The following KIF5B variants were observed in gnomAD, a reference collection of about 807,000 sequenced individuals.
KIF5B encodes the protein kinesin family member 5B.
Under a neutral mutation model 132.8 loss-of-function variants are expected in KIF5B, and 49 were observed. The observed-to-expected ratio is 0.37, with a 90% CI of 0.29 to 0.47. The LOEUF is 0.47. KIF5B is among the 20% of genes least tolerant of loss of function. The pLI, the probability that KIF5B is intolerant of heterozygous loss-of-function variation, is 1.00. For missense variants in KIF5B, 780 were observed against 1,144.0 expected, an observed-to-expected ratio of 0.68 and a Z score of 4.59; for synonymous variants, 355 against 369.4, an observed-to-expected ratio of 0.96 and a Z score of 0.45.
At chr10:32,018,649 T>C (rs968314244) in intron 20 of KIF5B, 87 bp from the exon 21 acceptor site, 4 of 997,180 alleles carry the variant, frequency 4.0e-6, no homozygotes, top group East Asian at 2.6e-5. Flanking sequence ...ATTTTGTGTC[T>C]GAAAGGATAA....
At chr10:32,047,068 G>A (rs187983457) in intron 2 of KIF5B, among the ~76,000 whole-genome samples, 1 of 152,262 alleles carries the variant, frequency 6.6e-6, no homozygotes, top group East Asian at 1.9e-4. Context: ...GTGAAAAACA[G>A]AATGGTTGTA....
chr10:32,055,739 T>TG (rs1364286641), intron 1 of KIF5B, 109 bp downstream of exon 1: 1 of 1,413,258 alleles, frequency 7.1e-7, no homozygotes, highest in East Asian at 2.5e-5. Context: ...CGGGGAGGGC[T>TG]GGGGACACCG....
chr10:32,039,950 A>G (rs1485103927), intron 3 of KIF5B, among the ~76,000 whole-genome samples: 1 of 152,224 alleles, frequency 6.6e-6, no homozygotes, highest in Non-Finnish European at 1.5e-5. Flanking sequence ...TAGTGGGTCC[A>G]CATCTATTAT....
intron 3 of KIF5B, 81 bp from the exon 4 acceptor site, chr10:32,039,512 T>C (rs879208178): frequency 1.3e-5 from 9 of 703,330 alleles, no homozygotes; most frequent in African/African-American, 5.6e-5. Flanking sequence ...CTACAACTTA[T>C]AGTCAAGAAA....
chr10:32,039,687 A>G (rs932160549), intron 3 of KIF5B, among the ~76,000 whole-genome samples: 7 of 152,192 alleles, frequency 4.6e-5, no homozygotes, highest in Non-Finnish European at 8.8e-5. Flanking sequence ...TAAAATGTTC[A>G]TTGTAAAATG....
In KIF5B at chr10:32,011,418, A is replaced by T. The variant is rs1021906436; in HGVS notation, c.*119T>A. 11 of 152,496 alleles carry T rather than the reference A, an allele frequency of 7.2e-5. No homozygotes were observed. Among genetic ancestry groups the T allele is most frequent in the Non-Finnish European group, 1.2e-4 (8 of 67,924 alleles). The allele number at this position is 152,496 out of a possible 1,614,324, so 9.4% of individuals were successfully genotyped here. A position where few individuals can be genotyped will look rare whatever the true frequency, so the allele number is the denominator to read the frequency against. ...CAGGTATAATTTATACATTTTTTTT[A>T]AAAGTTATAATTCTACAATCCCAAG... On this transcript the variant is annotated 3_prime_UTR_variant, in exon 26 of 26. Transcript: ENST00000302418.
At chr10:32,037,647 AC>A in intron 6 of KIF5B, 40 bp from the exon 7 acceptor site, 2 of 1,424,604 alleles carry the variant, frequency 1.4e-6, no homozygotes, top group African/African-American at 1.4e-5. Flanking sequence ...TGTCTGGCCA[AC>A]ATGATGAAAC....
intron 2 of KIF5B, among the ~76,000 whole-genome samples, chr10:32,044,604 G>A (rs970021146): frequency 4.6e-5 from 7 of 152,056 alleles, no homozygotes; most frequent in African/African-American, 1.2e-4. Flanking sequence ...CCCGGGAGGC[G>A]GAGGTAGGTT....
chr10:32,052,639 T>G lies in KIF5B; in HGVS notation c.126+3209A>C, dbSNP rs16932870. 6.4e-3 allele frequency among the ~76,000 whole-genome samples: 982 copies of G among 152,334 alleles called. 8 individuals carry two copies. Among genetic ancestry groups the G allele is most frequent in the African/African-American group, 0.023 (944 of 41,572 alleles). ...TCCTAATTTTTTCTACTGATTTTTT[T>G]CTGGTGTTTCCAGCAAGCTCATTTC... On this transcript the variant is annotated intron_variant, in intron 1 of 25. Coordinates refer to ENST00000302418, the MANE Select transcript of KIF5B (RefSeq NM_004521.3).
At chr10:32,025,772 T>C (rs1841326414) in intron 15 of KIF5B, among the ~76,000 whole-genome samples, 1 of 152,230 alleles carries the variant, frequency 6.6e-6, no homozygotes, top group African/African-American at 2.4e-5. Flanking sequence ...TACATTCATA[T>C]CATGGAATAT....
intron 1 of KIF5B, among the ~76,000 whole-genome samples, chr10:32,054,213 T>G (rs1434478389): frequency 6.6e-6 from 1 of 152,200 alleles, no homozygotes; most frequent in African/African-American, 2.4e-5. Context: ...CTTAAGAAAC[T>G]AATAGCCTCA....
At chr10:32,020,008 T>G (rs1841236831) in intron 19 of KIF5B, 49 bp from the exon 20 acceptor site, 1 of 1,191,090 alleles carries the variant, frequency 8.4e-7, no homozygotes, top group Non-Finnish European at 1.2e-6. Context: ...CACAGTTTTC[T>G]CAATGTCATC....
intron 11 of KIF5B, 110 bp from the exon 12 acceptor site, chr10:32,034,148 T>G: frequency 1.6e-6 from 1 of 643,630 alleles, no homozygotes. Context: ...TCTCAATCTG[T>G]CACCCTGGCT....
At chr10:32,024,852 G>A (rs559699785) in intron 15 of KIF5B, among the ~76,000 whole-genome samples, 11 of 151,848 alleles carry the variant, frequency 7.2e-5, no homozygotes, top group South Asian at 4.2e-4. Context: ...TGAGGCAGGC[G>A]GACCACCTGT....
chr10:32,022,868 A>G lies in KIF5B; in HGVS notation c.1894T>C (p.Cys632Arg), dbSNP rs1420801636. The change falls in exon 16 of 26, where the codon TGT becomes CGT. Residue 632 changes from cysteine (C) to arginine (R), a missense_variant. Cys to Arg is a radical substitution (Grantham distance 180). This residue lies in a region of KIF5B where 471 missense variants were observed against 569.9 expected (regional missense o/e 0.83). Transcript: ENST00000302418. ...MEENEKELAA[C>R]QLRISQHEAK... Reference sequence around the variant, plus strand: ...CATACTTGAGAGATACGAAGCTGACATGCTGCTAACTCCTTTTCATTTTCT... The same window carrying G: ...CATACTTGAGAGATACGAAGCTGACGTGCTGCTAACTCCTTTTCATTTTCT... The G allele has an allele frequency of 6.2e-7, 1 of 1,610,620 alleles. No individual in the cohort carries two copies. Among genetic ancestry groups the G allele is most frequent in the Non-Finnish European group, 8.5e-7 (1 of 1,177,712 alleles).
At chr10:32,051,445 A>C (rs1027886498) in intron 1 of KIF5B, among the ~76,000 whole-genome samples, 8 of 152,200 alleles carry the variant, frequency 5.3e-5, no homozygotes, top group African/African-American at 1.9e-4. Flanking sequence ...TCATAATAGT[A>C]AACAGTTTTA....
In KIF5B at chr10:32,034,414, G is replaced by A. The variant is rs145377727; in HGVS notation, c.1111+276C>T. On this transcript the variant is annotated intron_variant, in intron 11 of 25. Transcript: ENST00000302418. ...GGCATGAGCCAGTGCACCCAGCCTC[G>A]TTCTTTCAAACTTTTTCTTCTCTGT... is the stretch of plus-strand genomic sequence containing the variant. 1.1e-4 allele frequency among the ~76,000 whole-genome samples: 16 copies of A among 152,094 alleles called. No individual in the cohort carries two copies. The East Asian group carries it at 2.7e-3, about 26-fold the overall frequency.
At position 32,037,250 on chromosome 10, in the gene KIF5B, T is replaced by G; in HGVS notation, c.711+4A>C. 5.0e-6 allele frequency: 8 copies of G among 1,610,434 alleles called. No individual in the cohort carries two copies. Among genetic ancestry groups the G allele is most frequent in the East Asian group, 2.2e-5 (1 of 44,820 alleles). On this transcript the variant is annotated splice_donor_region_variant and intron_variant, in intron 8 of 25. Transcript: ENST00000302418. ...ATATTTGTCAAAATACATGAAGACT[T>G]TACCTTTTCACTACCAGCTAAATCA...
Position 32,037,534 on chromosome 10 carries a change from T to A in KIF5B, c.572A>T (p.His191Leu). 1 of 1,611,730 alleles carries A rather than the reference T, an allele frequency of 6.2e-7. No homozygotes were observed. Among genetic ancestry groups the A allele is most frequent in the Non-Finnish European group, 8.5e-7 (1 of 1,177,802 alleles). The change falls in exon 7 of 26, where the codon CAT (histidine) becomes CTT (leucine). Residue 191 changes from histidine to leucine, a missense_variant. Around this residue, in one of 9 missense-constraint regions of KIF5B, gnomAD observed 76 missense variants for 146.4 expected, o/e 0.52. Coordinates refer to ENST00000302418, the MANE Select transcript of KIF5B (RefSeq NM_004521.3). ...TTTCTACTTACTTGTAACTGCTACATGTCTGTTGGATTTTCCTTCATCTAT... is the reference window on the plus strand; with the variant it reads ...TTTCTACTTACTTGTAACTGCTACAAGTCTGTTGGATTTTCCTTCATCTAT... ...DTIDEGKSNRHVAVTNMNEHS... is the reference protein window; with the variant it reads ...DTIDEGKSNRLVAVTNMNEHS...
Sources: gnomAD v4.1 joint callset for allele counts (sites outside exome capture counted in the v4.1 genomes callset) on GRCh38, gnomAD v4.1.1 for gene constraint, gnomAD v4.1.1 regional missense constraint, MANE v1.5 for transcripts, NCBI Gene and HGNC (gene_info 2026-07-23, HGNC 2026-07-21) for gene names.